GUCY2F: variants seen among roughly 807,000 people sequenced by gnomAD.
The protein encoded by GUCY2F is guanylate cyclase 2F, retinal, also known as retinal guanylyl cyclase 2.
GUCY2F carries 61 observed loss-of-function variants against 73.1 expected under a neutral mutation model. The observed-to-expected ratio is 0.83, with a 90% CI of 0.68 to 1.03. GUCY2F has a LOEUF of 1.03. GUCY2F is among the 50% of genes least tolerant of loss of function. The pLI, the probability that GUCY2F is intolerant of heterozygous loss-of-function variation, is 0.00. For synonymous variants in GUCY2F, 331 were observed against 307.8 expected (o/e 1.08, Z -0.79); for missense variants, 912 against 854.3 (o/e 1.07, Z -0.84).
In GUCY2F at chrX:109,402,156, C is replaced by T. The variant is rs760266073; in HGVS notation, c.2125+2172G>A. Among the ~76,000 whole-genome samples the T allele has an allele frequency of 1.3e-4, 14 of 111,150 alleles. 1 individual carries two copies. Among genetic ancestry groups the T allele is most frequent in the Non-Finnish European group, 1.9e-5 (1 of 53,072 alleles). On this transcript the variant is annotated intron_variant, in intron 10 of 19. Transcript: ENST00000218006. ...TGCAGTGTGTGAAGAATGGACTGAC[C>T]ATCCATACTGCCACTGCAATTTGGA... is the stretch of plus-strand genomic sequence containing the variant.
chrX:109,373,661 C>T (rs192190565), intron 19 of GUCY2F, among the ~76,000 whole-genome samples: 2 of 112,162 alleles, frequency 1.8e-5, no homozygotes, highest in African/African-American at 3.2e-5. Context: ...CTAATCAAAA[C>T]GAAACTGCCA....
intron 14 of GUCY2F, among the ~76,000 whole-genome samples, chrX:109,388,948 G>C (rs1930502264): frequency 8.9e-6 from 1 of 111,792 alleles, no homozygotes. Flanking sequence ...GACATTTGGG[G>C]AGAAGAGAAA....
intron 8 of GUCY2F, among the ~76,000 whole-genome samples, chrX:109,413,319 T>A (rs1411675219): frequency 1.8e-5 from 2 of 112,180 alleles, no homozygotes; most frequent in Non-Finnish European, 3.8e-5. Context: ...TCTTCCATAA[T>A]ACCTATCTGG....
At chrX:109,404,549 TTTCTGAGATTGTTAATGGCA>T in intron 9 of GUCY2F, 65 bp from the exon 10 acceptor site, 1 of 766,511 alleles carries the variant, frequency 1.3e-6, no homozygotes, top group Non-Finnish European at 1.9e-6. Context: ...TTAACACCAA[TTTCTGAGATTGTTAATGGCA>T]TGAGCTATTA....
chrX:109,439,438 T>G (rs1931822189), intron 7 of GUCY2F, among the ~76,000 whole-genome samples: 1 of 111,900 alleles, frequency 8.9e-6, no homozygotes. Flanking sequence ...TATCAAACTT[T>G]TTTTTTGTCA....
Position 109,385,194 on chromosome X carries a change from A to G in GUCY2F, c.3045T>C (p.Ser1015=). The change falls in exon 16 of 20, where the codon TCT becomes TCC. Residue 1015 remains serine (S), a synonymous_variant. Transcript: ENST00000218006. The part of the protein sequence containing the change: ...DTVNTASRME[S]TGLPYRIHVS... The stretch of plus-strand genomic sequence containing the variant: ...CTATTAGGTACTCACGTAAGCCTGT[A>G]GATTCCATCCGAGAAGCTGTGTTCA... 2.6e-6 allele frequency: 3 copies of G among 1,146,333 alleles called. No homozygotes were observed. The highest frequency in any genetic ancestry group is 2.4e-6 in the Non-Finnish European group (2 of 837,233). The allele number at this position is 1,146,333 out of a possible 1,213,427, so 94.5% of individuals were successfully genotyped here.
intron 8 of GUCY2F, among the ~76,000 whole-genome samples, chrX:109,426,113 G>A (rs769077309): frequency 4.4e-5 from 5 of 112,371 alleles, no homozygotes; most frequent in Non-Finnish European, 7.5e-5. Context: ...TCAAGTGCAA[G>A]CACAAAGAAA....
At chrX:109,457,137 T>C (rs1175062287) in intron 3 of GUCY2F, among the ~76,000 whole-genome samples, 1 of 112,398 alleles carries the variant, frequency 8.9e-6, no homozygotes, top group African/African-American at 3.2e-5. Context: ...TTATGAATGA[T>C]AATTAAAACA....
At chrX:109,402,376 GT>G (rs35169476) in intron 10 of GUCY2F, among the ~76,000 whole-genome samples, 145 of 97,508 alleles carry the variant, frequency 1.5e-3, no homozygotes, top group African/African-American at 3.4e-3. Context: ...TAGGCGTTTT[GT>G]TTTTTTTTTT....
chrX:109,395,302 G>A (rs1930677760), intron 12 of GUCY2F, 39 bp downstream of exon 12: 4 of 1,150,353 alleles, frequency 3.5e-6, no homozygotes, highest in Non-Finnish European at 4.7e-6. Context: ...GCTGACTTCA[G>A]GAAGGCTCCT....
At chrX:109,431,273 A>G (rs780267060) in intron 7 of GUCY2F, among the ~76,000 whole-genome samples, 30 of 111,935 alleles carry the variant, frequency 2.7e-4, no homozygotes, top group Admixed American at 1.3e-3. Flanking sequence ...CATTTGCACA[A>G]TGCTCTCTAC....
At chrX:109,464,967 T>TA (rs2147281673) in intron 3 of GUCY2F, among the ~76,000 whole-genome samples, 175 bp downstream of exon 3, 1 of 112,544 alleles carries the variant, frequency 8.9e-6, no homozygotes, top group South Asian at 3.7e-4. Context: ...AAATCTCAAA[T>TA]AATATGCCTT....
chrX:109,386,421 T>G (rs1301503557), intron 15 of GUCY2F, among the ~76,000 whole-genome samples: 1 of 111,041 alleles, frequency 9.0e-6, no homozygotes, highest in Non-Finnish European at 1.9e-5. Flanking sequence ...ATCAAAGGCT[T>G]GTGGTTGGGA....
At position 109,482,016 on chromosome X, in the gene GUCY2F, G is replaced by T. The variant is rs909724123; in HGVS notation, c.-236C>A. 3.6e-5 allele frequency: 4 copies of T among 111,897 alleles called. No homozygotes were observed. The East Asian group carries it at 8.5e-4, about 24-fold the overall frequency. 9.2% of individuals were successfully genotyped at this position (111,897 alleles called of 1,213,427 possible). The stretch of plus-strand genomic sequence containing the variant: ...TCTGTTGACAAATTCCATTAATGGG[G>T]TAAATAATTGAAAGCGTTAGTAAAT... On this transcript the variant is annotated 5_prime_UTR_variant, in exon 1 of 20. Transcript: ENST00000218006.
At chrX:109,414,965 C>A (rs760403078) in intron 8 of GUCY2F, among the ~76,000 whole-genome samples, 1 of 111,015 alleles carries the variant, frequency 9.0e-6, no homozygotes, top group Non-Finnish European at 1.9e-5. Flanking sequence ...TCTAATAGGT[C>A]ATTTTAAGTA....
chrX:109,422,112 C>T (rs1265694632), intron 8 of GUCY2F, among the ~76,000 whole-genome samples: 1 of 111,465 alleles, frequency 9.0e-6, no homozygotes, highest in Non-Finnish European at 1.9e-5. Flanking sequence ...ATGAACTTTC[C>T]GGTGTAATGA....
intron 6 of GUCY2F, among the ~76,000 whole-genome samples, chrX:109,446,348 G>A (rs1445448069): frequency 8.9e-6 from 1 of 111,786 alleles, no homozygotes; most frequent in African/African-American, 3.3e-5. Flanking sequence ...CAAAGCTGGA[G>A]GCATCACACT....
In GUCY2F at chrX:109,393,015, TC is replaced by T; in HGVS notation, c.2464del (p.Asp822IlefsTer17). On this transcript the variant is annotated frameshift_variant, in exon 13 of 20. Coordinates refer to ENST00000218006, the MANE Select transcript of GUCY2F (RefSeq NM_001522.3). LOFTEE classifies it high-confidence loss of function. ...FNKGKKTNII[D>X]SMLRMLEQYS... ...TTGCTCCAACATCCGAAGCATAGAA[TC>T]AATAATATTGGTCTTCTTCCCTTTA... The T allele has an allele frequency of 8.9e-7, 1 of 1,119,101 alleles. No individual in the cohort carries two copies. Among genetic ancestry groups the T allele is most frequent in the Non-Finnish European group, 1.2e-6 (1 of 812,151 alleles). The allele number at this position is 1,119,101 out of a possible 1,213,427, so 92.2% of individuals were successfully genotyped here.
intron 2 of GUCY2F, among the ~76,000 whole-genome samples, chrX:109,467,560 C>T (rs1932494495): frequency 8.9e-6 from 1 of 112,689 alleles, no homozygotes; most frequent in Non-Finnish European, 1.9e-5. Context: ...ATACATTACA[C>T]GTAGTAGGTG....
Sources: gnomAD v4.1 joint callset for allele counts (sites outside exome capture counted in the v4.1 genomes callset) on GRCh38, gnomAD v4.1.1 for gene constraint, MANE v1.5 for transcripts, NCBI Gene and HGNC (gene_info 2026-07-23, HGNC 2026-07-21) for gene names.